The following CAMTA1 variants were observed in gnomAD, a reference collection of about 807,000 sequenced individuals.
CAMTA1 encodes the protein calmodulin binding transcription activator 1.
A neutral mutation model predicts 170.9 loss-of-function variants in CAMTA1; 27 were observed. That is an observed-to-expected ratio of 0.16 (90% CI 0.12 to 0.22). CAMTA1 has a LOEUF of 0.22. Ranked by LOEUF, CAMTA1 falls within the 10% of genes least tolerant of loss-of-function variation. The pLI is 1.00. For synonymous variants in CAMTA1, 833 were observed against 891.5 expected (o/e 0.93, Z 1.17); for missense variants, 1,619 against 2,217.2 (o/e 0.73, Z 5.42).
intron 6 of CAMTA1, among the ~76,000 whole-genome samples, chr1:7,518,020 G>T (rs2094310201): frequency 6.6e-6 from 1 of 151,968 alleles, no homozygotes; most frequent in Non-Finnish European, 1.5e-5. Context: ...AGGGCCAAGG[G>T]CTCAGAGAAG....
chr1:7,511,891 G>A (rs1411031613), intron 6 of CAMTA1, among the ~76,000 whole-genome samples: 1 of 152,158 alleles, frequency 6.6e-6, no homozygotes, highest in South Asian at 2.1e-4. Context: ...AAGAACACAG[G>A]CCAGAAGAAA....
intron 4 of CAMTA1, among the ~76,000 whole-genome samples, chr1:7,095,032 C>T (rs527369218): frequency 4.6e-5 from 7 of 152,132 alleles, no homozygotes; most frequent in Non-Finnish European, 1.0e-4. Context: ...CCTGGCCATG[C>T]AGTTTAGTCT....
At chr1:7,692,528 A>AGAAT (rs1023699045) in intron 11 of CAMTA1, among the ~76,000 whole-genome samples, 8 of 152,264 alleles carry the variant, frequency 5.3e-5, no homozygotes, top group African/African-American at 1.2e-4. Flanking sequence ...AACGAAAGAA[A>AGAAT]GAATGAATGA....
At chr1:7,359,396 G>A (rs1429792605) in intron 5 of CAMTA1, among the ~76,000 whole-genome samples, 2 of 152,150 alleles carry the variant, frequency 1.3e-5, no homozygotes, top group Non-Finnish European at 2.9e-5. Flanking sequence ...AGGCTGGAGA[G>A]CCCCTCCCCA....
At chr1:6,960,837 C>T (rs545898394) in intron 3 of CAMTA1, among the ~76,000 whole-genome samples, 27 of 152,202 alleles carry the variant, frequency 1.8e-4, no homozygotes, top group Non-Finnish European at 3.4e-4. Context: ...AGAGCTCTTA[C>T]TTTGTGCAGG....
At chr1:7,337,211 G>C (rs1006975905) in intron 5 of CAMTA1, among the ~76,000 whole-genome samples, 2 of 152,200 alleles carry the variant, frequency 1.3e-5, no homozygotes, top group African/African-American at 4.8e-5. Flanking sequence ...CACCTTGTGA[G>C]GGGGACGGGG....
At chr1:7,484,096 G>A (rs1274363841) in intron 6 of CAMTA1, among the ~76,000 whole-genome samples, 7 of 152,200 alleles carry the variant, frequency 4.6e-5, no homozygotes, top group Admixed American at 2.0e-4. Context: ...CCAAGCAAGA[G>A]ACATAAAACA....
chr1:7,225,413 C>T (rs1354175376), intron 4 of CAMTA1, among the ~76,000 whole-genome samples: 2 of 152,176 alleles, frequency 1.3e-5, no homozygotes, highest in African/African-American at 4.8e-5. Context: ...CCAGAAAGAC[C>T]TCTACTGTCA....
chr1:7,584,966 T>G (rs1297684753), intron 6 of CAMTA1, among the ~76,000 whole-genome samples: 3 of 152,246 alleles, frequency 2.0e-5, no homozygotes, highest in Non-Finnish European at 4.4e-5. Flanking sequence ...AGACTTTGCA[T>G]TTTAGAAACA....
At chr1:7,513,193 G>A (rs999223026) in intron 6 of CAMTA1, among the ~76,000 whole-genome samples, 5 of 152,160 alleles carry the variant, frequency 3.3e-5, no homozygotes, top group South Asian at 2.1e-4. Flanking sequence ...GGGGAGAAGC[G>A]GCCGATTCTG....
At position 7,553,019 on chromosome 1, in the gene CAMTA1, C is replaced by G. The variant is rs78589873; in HGVS notation, c.510+85118C>G. 4.9e-3 allele frequency among the ~76,000 whole-genome samples: 742 copies of G among 152,346 alleles called. 5 individuals carry two copies. The highest frequency in any genetic ancestry group is 0.017 in the African/African-American group (713 of 41,582). The stretch of plus-strand genomic sequence containing the variant: ...CTGGGAGCTGCAATAGGAACAGCCG[C>G]AGTCTAACTGGCTTTCAGAGAAGCT... On this transcript the variant is annotated intron_variant, in intron 6 of 22. Coordinates refer to ENST00000303635, the MANE Select transcript of CAMTA1 (RefSeq NM_015215.4).
intron 5 of CAMTA1, among the ~76,000 whole-genome samples, chr1:7,447,639 AG>A (rs2092713319): frequency 6.6e-6 from 1 of 152,122 alleles, no homozygotes; most frequent in Admixed American, 6.5e-5. Flanking sequence ...GTGGAACGGC[AG>A]GGACTCAGAG....
chr1:7,565,679 G>A lies in CAMTA1; in HGVS notation c.511-74721G>A, dbSNP rs2095032076. 6.6e-6 allele frequency among the ~76,000 whole-genome samples: 1 copy of A among 152,184 alleles called. No homozygotes were observed. The highest frequency in any genetic ancestry group is 1.5e-5 in the Non-Finnish European group (1 of 68,036). ...CAGCCATACTGTGGGGCTCCTTGGG[G>A]AAAGGAATTCCTGGGTATTTTCTGG... On this transcript the variant is annotated intron_variant, in intron 6 of 22. Coordinates refer to ENST00000303635, the MANE Select transcript of CAMTA1 (RefSeq NM_015215.4). This position sits in a 1 kb window ranked among gnomAD's most constrained non-coding sequence, Gnocchi z 4.5.
At chr1:7,265,193 A>G (rs1201022860) in intron 5 of CAMTA1, among the ~76,000 whole-genome samples, 1 of 152,204 alleles carries the variant, frequency 6.6e-6, no homozygotes, top group Non-Finnish European at 1.5e-5. Context: ...GCCATGAGCC[A>G]CATGTGGTGG....
intron 3 of CAMTA1, among the ~76,000 whole-genome samples, chr1:6,952,265 C>T (rs747822369): frequency 2.0e-5 from 3 of 151,068 alleles, no homozygotes; most frequent in Non-Finnish European, 4.4e-5. Context: ...CCTGTCTCTA[C>T]TAAAAATACA....
At chr1:7,070,133 C>T (rs1160772356) in intron 3 of CAMTA1, among the ~76,000 whole-genome samples, 1 of 152,202 alleles carries the variant, frequency 6.6e-6, no homozygotes, top group Admixed American at 6.5e-5. Context: ...TGTCCGGAGC[C>T]GCCAGCCTCA....
intron 1 of CAMTA1, among the ~76,000 whole-genome samples, chr1:6,798,690 G>A (rs1208798642): frequency 2.2e-5 from 3 of 135,302 alleles, no homozygotes; most frequent in Admixed American, 7.2e-5. Flanking sequence ...TCCGCTTCCC[G>A]GGTTCACGCC....
Position 7,050,375 on chromosome 1 carries a change from G to A in CAMTA1, c.235-40929G>A, listed in dbSNP as rs546190306. On this transcript the variant is annotated intron_variant, in intron 3 of 22. Transcript: ENST00000303635. This position sits in a 1 kb window ranked among gnomAD's most constrained non-coding sequence, Gnocchi z 4.8. ...CATCTGTCTGCTCCGGGGCCAGGGC[G>A]GAGAAGCCTGAAGCTGAGTCCCTGG... Among the ~76,000 whole-genome samples, 3 of 152,286 alleles carry A rather than the reference G, an allele frequency of 2.0e-5. No homozygotes were observed. The highest frequency in any genetic ancestry group is 4.1e-4 in the South Asian group (2 of 4,832).
chr1:6,941,299 G>A (rs747224938), intron 3 of CAMTA1, among the ~76,000 whole-genome samples: 28 of 152,148 alleles, frequency 1.8e-4, no homozygotes, highest in East Asian at 3.9e-4. Context: ...TTGGGAGACC[G>A]GGCTGTCTCC....
Sources: allele counts gnomAD v4.1 joint callset (sites outside exome capture counted in the v4.1 genomes callset), GRCh38; gene constraint gnomAD v4.1.1; non-coding constraint Gnocchi (gnomAD v3.1); transcripts MANE v1.5; gene names NCBI Gene and HGNC (gene_info 2026-07-23, HGNC 2026-07-21).